Variants in LIPC observed in about 807,000 individuals in gnomAD.
The protein encoded by LIPC is lipase C, hepatic type.
A neutral mutation model predicts 50.7 loss-of-function variants in LIPC; 44 were observed. That is an observed-to-expected ratio of 0.87 (90% CI 0.68 to 1.11). The LOEUF is 1.11. Ranked by LOEUF, LIPC falls within the 50% of genes most tolerant of loss-of-function variation. The pLI, the probability that LIPC is intolerant of heterozygous loss-of-function variation, is 0.00. For synonymous variants in LIPC, 271 were observed against 256.4 expected, an observed-to-expected ratio of 1.06 and a Z score of -0.54; for missense variants, 697 against 648.2, an observed-to-expected ratio of 1.08 and a Z score of -0.82.
chr15:58,447,694 A>G, intron 1 of LIPC, among the ~76,000 whole-genome samples: 1 of 152,180 alleles, frequency 6.6e-6, no homozygotes, highest in Non-Finnish European at 1.5e-5. Context: ...AGCTTGATAC[A>G]ATGAATGTTT....
Position 58,568,881 on chromosome 15 carries a change from A to G in LIPC, c.*54A>G, listed in dbSNP as rs1894472665. The G allele has an allele frequency of 9.5e-7, 1 of 1,050,768 alleles. No individual in the cohort carries two copies. Among genetic ancestry groups the G allele is most frequent in the Middle Eastern group, 2.1e-4 (1 of 4,812 alleles). 65.1% of individuals were successfully genotyped at this position (1,050,768 alleles called of 1,614,324 possible). A position where few individuals can be genotyped will look rare whatever the true frequency, so the allele number is the denominator to read the frequency against. On this transcript the variant is annotated 3_prime_UTR_variant, in exon 9 of 9. Transcript: ENST00000299022. ...AAATGAATCTTACTCCTTATCTGGA[A>G]TGGCTGCCTTATTTAGAAGCCAAAA...
At chr15:58,447,851 T>C (rs1251990095) in intron 1 of LIPC, among the ~76,000 whole-genome samples, 1 of 152,184 alleles carries the variant, frequency 6.6e-6, no homozygotes, top group Non-Finnish European at 1.5e-5. Context: ...TTCAGTGAAC[T>C]GGTAATTAGC....
chr15:58,518,373 A>C (rs1198185486), intron 1 of LIPC, among the ~76,000 whole-genome samples: 1 of 152,084 alleles, frequency 6.6e-6, no homozygotes. Flanking sequence ...AGTTCTGTGA[A>C]AGGAGAAACA....
intron 6 of LIPC, 135 bp downstream of exon 6, chr15:58,548,707 C>G: frequency 8.1e-7 from 1 of 1,238,772 alleles, no homozygotes; most frequent in Middle Eastern, 2.6e-4. Context: ...TGTGCAGGCT[C>G]CAGACAGCAA....
chr15:58,542,533 G>A lies in LIPC; in HGVS notation c.457-1G>A. ...GCCCCCATCCCGCTGCTGTCTTCCA[G>A]GAATCTGTGCAACTCTCTCGAAGCC... On this transcript the variant is annotated splice_acceptor_variant, in intron 3 of 8. Transcript: ENST00000299022. LOFTEE classifies it high-confidence loss of function. The A allele has an allele frequency of 6.2e-7, 1 of 1,601,476 alleles. No homozygotes were observed. Among genetic ancestry groups the A allele is most frequent in the Non-Finnish European group, 8.6e-7 (1 of 1,168,524 alleles).
At chr15:58,463,180 G>C (rs534939597) in intron 1 of LIPC, among the ~76,000 whole-genome samples, 74 of 152,298 alleles carry the variant, frequency 4.9e-4, no homozygotes, top group Non-Finnish European at 9.1e-4. Flanking sequence ...TTTGCCTTCC[G>C]GCCTGACTGC....
At chr15:58,548,272 T>G in intron 5 of LIPC, 58 bp from the exon 6 acceptor site, 2 of 1,612,822 alleles carry the variant, frequency 1.2e-6, no homozygotes, top group Non-Finnish European at 1.7e-6. Context: ...GGTGATCCTC[T>G]GAGTTGAGGC....
Position 58,545,966 on chromosome 15 carries a change from G to C in LIPC, c.799G>C (p.Gly267Arg). 6.2e-7 allele frequency: 1 copy of C among 1,612,674 alleles called. No homozygotes were observed. The highest frequency in any genetic ancestry group is 2.2e-5 in the East Asian group (1 of 44,880). Reference protein sequence around the residue: ...LELYRHIAQHGFNAITQTIKC... With the variant: ...LELYRHIAQHRFNAITQTIKC... ...GCTCTACAGACATATTGCCCAGCACGGCTTCAATGGTGAGAATGAAGTCAT... is the reference window on the plus strand; with the variant it reads ...GCTCTACAGACATATTGCCCAGCACCGCTTCAATGGTGAGAATGAAGTCAT... The change falls in exon 5 of 9, where the codon GGC becomes CGC. Residue 267 changes from glycine (G) to arginine (R), a missense_variant. Coordinates refer to ENST00000299022, the MANE Select transcript of LIPC (RefSeq NM_000236.3).
At chr15:58,451,727 C>T (rs574360335) in intron 1 of LIPC, among the ~76,000 whole-genome samples, 11 of 152,088 alleles carry the variant, frequency 7.2e-5, no homozygotes, top group Admixed American at 1.3e-4. Flanking sequence ...GCCAGCAGAC[C>T]GTGGAGGACT....
At position 58,432,007 on chromosome 15, in the gene LIPC, G is replaced by A. The variant is rs775421240; in HGVS notation, c.-26G>A. 2 of 1,566,420 alleles carry A rather than the reference G, an allele frequency of 1.3e-6. No individual in the cohort carries two copies. Among genetic ancestry groups the A allele is most frequent in the Middle Eastern group, 1.7e-4 (1 of 5,986 alleles). On this transcript the variant is annotated 5_prime_UTR_variant, in exon 1 of 9. Coordinates refer to ENST00000299022, the MANE Select transcript of LIPC (RefSeq NM_000236.3). ...TTTGGCTTCAGAAATTACCAAGAAAGCCTGGACCCCGGGTGAAACGGAGAA... is the reference window on the plus strand; with the variant it reads ...TTTGGCTTCAGAAATTACCAAGAAAACCTGGACCCCGGGTGAAACGGAGAA...
chr15:58,504,405 T>G (rs1013254351), intron 1 of LIPC, among the ~76,000 whole-genome samples: 6 of 152,206 alleles, frequency 3.9e-5, no homozygotes, highest in African/African-American at 2.4e-5. Flanking sequence ...AAGTGACTCT[T>G]TAAGCCGAAT....
chr15:58,548,449 C>T lies in LIPC; in HGVS notation c.928C>T (p.Gln310Ter). The change falls in exon 6 of 9, where the codon CAG (glutamine) becomes TAG (stop). Residue 310 changes from glutamine to a stop codon, truncating the protein, a stop_gained. Coordinates refer to ENST00000299022, the MANE Select transcript of LIPC (RefSeq NM_000236.3). LOFTEE classifies it high-confidence loss of function. Reference sequence around the variant, plus strand: ...GTGTGGTGACATGAACAGCTTCAGCCAGGGCCTGTGCCTGAGCTGCAAGAA... The same window carrying T: ...GTGTGGTGACATGAACAGCTTCAGCTAGGGCCTGTGCCTGAGCTGCAAGAA... ...YPCGDMNSFS[Q>*]GLCLSCKKGR... is the part of the protein sequence containing the mutation. The T allele has an allele frequency of 6.2e-7, 1 of 1,613,846 alleles. No homozygotes were observed. The highest frequency in any genetic ancestry group is 8.5e-7 in the Non-Finnish European group (1 of 1,179,898).
At chr15:58,449,284 T>C (rs1320793192) in intron 1 of LIPC, among the ~76,000 whole-genome samples, 5 of 152,162 alleles carry the variant, frequency 3.3e-5, no homozygotes, top group Admixed American at 2.6e-4. Flanking sequence ...AACTCTATGC[T>C]CATTGGGTTG....
chr15:58,556,412 A>G (rs1177755913), intron 6 of LIPC, among the ~76,000 whole-genome samples: 4 of 152,218 alleles, frequency 2.6e-5, no homozygotes, highest in Admixed American at 1.3e-4. Context: ...TTCCTTTTCA[A>G]TACTTGTAAA....
intron 1 of LIPC, among the ~76,000 whole-genome samples, chr15:58,445,606 G>A (rs1360282923): frequency 2.6e-5 from 4 of 152,138 alleles, no homozygotes; most frequent in Admixed American, 1.3e-4. Context: ...CTGGCACAGC[G>A]GAAATAAACC....
intron 1 of LIPC, among the ~76,000 whole-genome samples, chr15:58,448,542 G>A (rs535782773): frequency 6.6e-6 from 1 of 152,346 alleles, no homozygotes; most frequent in South Asian, 2.1e-4. Context: ...CAGGTGCCCT[G>A]CTGCGTGGCT....
At chr15:58,480,456 G>A (rs1033232744) in intron 1 of LIPC, among the ~76,000 whole-genome samples, 19 of 152,104 alleles carry the variant, frequency 1.2e-4, no homozygotes, top group Non-Finnish European at 2.4e-4. Context: ...CACCACACCT[G>A]ACTAATTTTT....
chr15:58,477,956 A>AC (rs1318530660), intron 1 of LIPC, among the ~76,000 whole-genome samples: 1 of 150,376 alleles, frequency 6.6e-6, no homozygotes, highest in African/African-American at 2.5e-5. Context: ...GTCTCATCTC[A>AC]CCTCCCTCCT....
chr15:58,465,736 C>T (rs1230090373), intron 1 of LIPC, among the ~76,000 whole-genome samples: 1 of 152,106 alleles, frequency 6.6e-6, no homozygotes, highest in East Asian at 1.9e-4. Context: ...AGCTTGGACC[C>T]GTCCTGGGAA....
Sources: gnomAD v4.1 joint callset for allele counts (sites outside exome capture counted in the v4.1 genomes callset) on GRCh38, gnomAD v4.1.1 for gene constraint, MANE v1.5 for transcripts, NCBI Gene and HGNC (gene_info 2026-07-23, HGNC 2026-07-21) for gene names.